SGCD: variants seen among roughly 807,000 people sequenced by gnomAD.
SGCD encodes the protein delta-sarcoglycan.
In SGCD, 18 loss-of-function variants were observed where a neutral mutation model predicts 36.6. The observed-to-expected ratio is 0.49, with a 90% CI of 0.34 to 0.73. SGCD has a LOEUF of 0.73. Ranked by LOEUF, SGCD falls within the 30% of genes least tolerant of loss-of-function variation. The pLI is 0.01. For synonymous variants in SGCD, 133 were observed against 130.6 expected, an observed-to-expected ratio of 1.02 and a Z score of -0.12; for missense variants, 387 against 346.7, an observed-to-expected ratio of 1.12 and a Z score of -0.92.
chr5:156,452,075 A>T (rs1754046388), intron 3 of SGCD, among the ~76,000 whole-genome samples: 1 of 152,136 alleles, frequency 6.6e-6, no homozygotes, highest in African/African-American at 2.4e-5. Context: ...CATTCCAGGC[A>T]GTCTTACTCT....
chr5:156,705,402 C>G (rs1301610178), intron 7 of SGCD, among the ~76,000 whole-genome samples: 1 of 152,148 alleles, frequency 6.6e-6, no homozygotes, highest in Non-Finnish European at 1.5e-5. Context: ...GCACATGCAA[C>G]TTCTAACCAG....
chr5:156,481,345 A>G (rs1311096791), intron 3 of SGCD, among the ~76,000 whole-genome samples: 1 of 152,002 alleles, frequency 6.6e-6, no homozygotes, highest in Non-Finnish European at 1.5e-5. Flanking sequence ...GATATTTTGG[A>G]CTTGATGTCC....
the SGCD span, among the ~76,000 whole-genome samples, chr5:155,760,126 T>G: frequency 6.6e-6 from 1 of 151,380 alleles, no homozygotes; most frequent in Non-Finnish European, 1.5e-5. Context: ...AACCTCTCCA[T>G]CATCATCTCC....
chr5:156,048,133 C>T (rs1759820383), intron 1 of SGCD, among the ~76,000 whole-genome samples: 1 of 152,180 alleles, frequency 6.6e-6, no homozygotes, highest in African/African-American at 2.4e-5. Context: ...CCATCCATGT[C>T]CCTACAAAGG....
At position 156,231,030 on chromosome 5, in the gene SGCD, A is replaced by G. The variant is rs147822667; in HGVS notation, c.-43-98504A>G. On this transcript the variant is annotated intron_variant, in intron 3 of 9. Transcript: ENST00000517913. ...AGGCTACAAGGAGGGTTGTTTCAAA[A>G]GGGAAGGCATAGAAAAAAATAAGGA... is the stretch of plus-strand genomic sequence containing the variant. Among the ~76,000 whole-genome samples, 71 of 152,318 alleles carry G rather than the reference A, an allele frequency of 4.7e-4. 1 individual carries two copies. In the East Asian group the frequency reaches 0.013, roughly 29 times the overall value.
chr5:156,132,593 C>T (rs1279688319), intron 3 of SGCD, among the ~76,000 whole-genome samples: 5 of 150,286 alleles, frequency 3.3e-5, no homozygotes, highest in African/African-American at 1.2e-4. Context: ...CTCAGCCTCC[C>T]GAGTAGCTGG....
chr5:155,774,928 C>T, the SGCD span, among the ~76,000 whole-genome samples: 35 of 152,276 alleles, frequency 2.3e-4, 1 homozygote, highest in East Asian at 6.4e-3. Flanking sequence ...GCTCTGGTAC[C>T]TTCTCAATCA....
At chr5:156,633,815 G>A (rs1233993372) in intron 6 of SGCD, among the ~76,000 whole-genome samples, 1 of 152,204 alleles carries the variant, frequency 6.6e-6, no homozygotes, top group Admixed American at 6.5e-5. Flanking sequence ...CAGGCCTGCT[G>A]CTCTTTGGTC....
chr5:156,740,829 T>A (rs1237651872), intron 7 of SGCD, among the ~76,000 whole-genome samples: 1 of 152,186 alleles, frequency 6.6e-6, no homozygotes, highest in East Asian at 1.9e-4. Context: ...GCTCCCCTTG[T>A]GATTCTGACC....
chr5:156,429,068 T>G (rs1773801417), intron 3 of SGCD, among the ~76,000 whole-genome samples: 1 of 152,020 alleles, frequency 6.6e-6, no homozygotes, highest in South Asian at 2.1e-4. Flanking sequence ...CTTTGTTGAG[T>G]TTCTGTCTTG....
intron 4 of SGCD, among the ~76,000 whole-genome samples, chr5:156,535,187 A>G (rs997464460): frequency 6.6e-6 from 1 of 152,188 alleles, no homozygotes; most frequent in Admixed American, 6.5e-5. Flanking sequence ...TCACACACCA[A>G]TGTTAGCCTT....
chr5:156,172,802 T>A (rs1312186820), intron 3 of SGCD, among the ~76,000 whole-genome samples: 4 of 152,008 alleles, frequency 2.6e-5, no homozygotes, highest in Admixed American at 6.6e-5. Context: ...ATCATAATAA[T>A]TTATTATAAA....
At chr5:156,611,374 G>A (rs1397634453) in intron 6 of SGCD, among the ~76,000 whole-genome samples, 2 of 152,158 alleles carry the variant, frequency 1.3e-5, no homozygotes, top group African/African-American at 2.4e-5. Context: ...AAGACAGCAT[G>A]CTGAGTATTG....
chr5:156,078,577 A>ATT (rs1760861443), intron 1 of SGCD, among the ~76,000 whole-genome samples: 1 of 89,724 alleles, frequency 1.1e-5, no homozygotes, highest in African/African-American at 1.2e-4. Flanking sequence ...ATATATTTAT[A>ATT]TTTATATATA....
chr5:156,380,810 C>A (rs1442616298), intron 3 of SGCD, among the ~76,000 whole-genome samples: 1 of 152,126 alleles, frequency 6.6e-6, no homozygotes, highest in Non-Finnish European at 1.5e-5. Context: ...TGTATATAGG[C>A]AGGCTGTGGT....
chr5:156,526,257 G>A (rs1417378589), intron 4 of SGCD, among the ~76,000 whole-genome samples: 1 of 151,574 alleles, frequency 6.6e-6, no homozygotes, highest in Non-Finnish European at 1.5e-5. Flanking sequence ...TGCTGTTTAT[G>A]AGGGAAAAAA....
intron 3 of SGCD, among the ~76,000 whole-genome samples, chr5:156,157,064 G>C (rs1477701093): frequency 2.6e-5 from 4 of 151,606 alleles, no homozygotes; most frequent in Non-Finnish European, 5.9e-5. Context: ...TCTCTGTAAA[G>C]CAAGAAGAAT....
rs181939496 is a variant in SGCD at position 156,632,802 on chromosome 5, G to A, written c.503-14662G>A. On this transcript the variant is annotated intron_variant, in intron 6 of 8. Transcript: ENST00000337851. Reference sequence around the variant, plus strand: ...CTCGGTTAAAGCTACTATGGCACGTGTACCTTTAGACCCCATGGAGTGTCA... The same window carrying A: ...CTCGGTTAAAGCTACTATGGCACGTATACCTTTAGACCCCATGGAGTGTCA... Among the ~76,000 whole-genome samples, 34 of 152,302 alleles carry A rather than the reference G, an allele frequency of 2.2e-4. 2 individuals carry two copies. In the East Asian group the frequency reaches 6.6e-3, roughly 29 times the overall value.
At chr5:156,336,651 A>G (rs1362230734) in intron 2 of SGCD, among the ~76,000 whole-genome samples, 1 of 152,260 alleles carries the variant, frequency 6.6e-6, no homozygotes, top group Non-Finnish European at 1.5e-5. Flanking sequence ...AAGTGTGCAT[A>G]TGCACTGAAC....
Sources: gnomAD v4.1 joint callset for allele counts (sites outside exome capture counted in the v4.1 genomes callset) on GRCh38, gnomAD v4.1.1 for gene constraint, MANE v1.5 for transcripts, NCBI Gene and HGNC (gene_info 2026-07-23, HGNC 2026-07-21) for gene names.